Variants in DCHS2 observed in about 807,000 individuals in gnomAD.
The protein encoded by DCHS2 is dachsous cadherin-related 2.
A neutral mutation model predicts 182.4 loss-of-function variants in DCHS2; 142 were observed. That is an observed-to-expected ratio of 0.78 (90% CI 0.68 to 0.89). The LOEUF (loss-of-function observed/expected upper bound fraction) is 0.89, where lower values mean the gene tolerates loss of function less well. Ranked by LOEUF, DCHS2 falls within the 40% of genes least tolerant of loss-of-function variation. The pLI is 0.00. For missense variants in DCHS2, 4,319 were observed against 4,198.6 expected (o/e 1.03, Z -0.79); for synonymous variants, 1,740 against 1,663.3 (o/e 1.05, Z -1.12).
chr4:154,468,405 A>G (rs749128575), intron 1 of DCHS2, among the ~76,000 whole-genome samples: 1 of 152,132 alleles, frequency 6.6e-6, no homozygotes, highest in Non-Finnish European at 1.5e-5. Context: ...AAGGTCCCCA[A>G]TGCAGAATTT....
At chr4:154,478,454 G>A (rs1735777924) in intron 1 of DCHS2, among the ~76,000 whole-genome samples, 4 of 152,162 alleles carry the variant, frequency 2.6e-5, no homozygotes, top group Non-Finnish European at 5.9e-5. Context: ...ATGGAAGAAT[G>A]GACCTATATG....
Position 154,322,365 on chromosome 4 carries a change from G to A in DCHS2, c.4142C>T (p.Pro1381Leu), listed in dbSNP as rs748205784. 9 of 1,613,544 alleles carry A rather than the reference G, an allele frequency of 5.6e-6. No individual in the cohort carries two copies. The South Asian group carries it at 8.8e-5, about 16-fold the overall frequency. The change falls in exon 8 of 20, where the codon CCT (proline) becomes CTT (leucine). Residue 1381 changes from proline (P) to leucine (L), a missense_variant. By Grantham distance (98) the Pro-to-Leu change is moderately conservative. Coordinates refer to ENST00000357232, the MANE Select transcript of DCHS2 (RefSeq NM_001358235.2). ...AACAACTGCCTGTCCTTGAAGAGGA[G>A]GCACTCCCTGGTCAGTGGCAATGAC... ...MSVIATDQGV[P>L]PLQGQAVVNI... is the part of the protein sequence containing the mutation.
intron 3 of DCHS2, among the ~76,000 whole-genome samples, chr4:154,349,075 A>G (rs576574960): frequency 4.6e-5 from 7 of 152,194 alleles, no homozygotes; most frequent in Admixed American, 1.3e-4. Context: ...AAATATTGCC[A>G]AAAGACAAAA....
At chr4:154,358,883 T>C (rs1729989913) in intron 3 of DCHS2, among the ~76,000 whole-genome samples, 1 of 151,762 alleles carries the variant, frequency 6.6e-6, no homozygotes, top group African/African-American at 2.4e-5. Flanking sequence ...CCATATTTGT[T>C]ATTAATTGTT....
In DCHS2 at chr4:154,369,293, C is replaced by T. The variant is rs536468030; in HGVS notation, c.2245-2852G>A. On this transcript the variant is annotated intron_variant, in intron 2 of 19. Coordinates refer to ENST00000357232, the MANE Select transcript of DCHS2 (RefSeq NM_001358235.2). The stretch of plus-strand genomic sequence containing the variant: ...CAAGTTAAGTGGATGCATTCTATGC[C>T]TCAGAACTTCTCACAGAGCCTTTTG... Among the ~76,000 whole-genome samples the T allele has an allele frequency of 1.3e-3, 197 of 152,292 alleles. 1 individual carries two copies. Among genetic ancestry groups the T allele is most frequent in the Admixed American group, 2.1e-3 (32 of 15,292 alleles).
intron 5 of DCHS2, 33 bp from the exon 6 acceptor site, chr4:154,329,743 A>G: frequency 6.3e-7 from 1 of 1,575,200 alleles, no homozygotes; most frequent in South Asian, 1.1e-5. Context: ...AGACACAGGC[A>G]CTGTGTACCA....
At chr4:154,332,327 A>G in intron 5 of DCHS2, 151 bp downstream of exon 5, 1 of 576,116 alleles carries the variant, frequency 1.7e-6, no homozygotes, top group Non-Finnish European at 2.9e-6. Context: ...CATTATTTCA[A>G]TTGCATGTAT....
chr4:154,305,199 G>A lies in DCHS2; in HGVS notation c.5293C>T (p.Pro1765Ser), dbSNP rs1561028066. The change falls in exon 11 of 20, where the codon CCA becomes TCA. Residue 1765 changes from proline to serine, a missense_variant. Physicochemically the swap from Pro to Ser is moderately conservative, Grantham distance 74 (BLOSUM62 -1). Coordinates refer to ENST00000357232, the MANE Select transcript of DCHS2 (RefSeq NM_001358235.2). ...VNSKLQFEIM[P>S]GASFELFEIN... ...TCGAATAATTCAAATGAAGCACCTGGCATGATTTCAAACTGAAGCTTGGAA... is the reference window on the plus strand; with the variant it reads ...TCGAATAATTCAAATGAAGCACCTGACATGATTTCAAACTGAAGCTTGGAA... 6.2e-7 allele frequency: 1 copy of A among 1,612,144 alleles called. No homozygotes were observed. The highest frequency in any genetic ancestry group is 8.5e-7 in the Non-Finnish European group (1 of 1,179,310).
At position 154,291,240 on chromosome 4, in the gene DCHS2, A is replaced by T. The variant is rs140453910; in HGVS notation, c.6463+6611T>A. On this transcript the variant is annotated intron_variant, in intron 13 of 19. Transcript: ENST00000357232. ...ATGCAAATCAAAAAACTACAGTGAA[A>T]TATCATCTCATCTCATTTAAAATGA... Among the ~76,000 whole-genome samples the T allele has an allele frequency of 1.6e-3, 239 of 152,262 alleles. 2 individuals are homozygous for T. The highest frequency in any genetic ancestry group is 5.4e-3 in the African/African-American group (224 of 41,558).
chr4:154,299,667 G>C (rs190172393), intron 12 of DCHS2, among the ~76,000 whole-genome samples: 2 of 152,314 alleles, frequency 1.3e-5, no homozygotes, highest in East Asian at 3.9e-4. Context: ...ACCAAAAGTA[G>C]AGATGATTGG....
chr4:154,368,767 G>A (rs931553057), intron 2 of DCHS2, among the ~76,000 whole-genome samples: 1 of 152,114 alleles, frequency 6.6e-6, no homozygotes, highest in Non-Finnish European at 1.5e-5. Context: ...CCAAAGTTCT[G>A]GGATTACAGG....
rs1731460699 is a variant in DCHS2 at position 154,235,898 on chromosome 4, G to A, written c.8754C>T (p.Ser2918=). ...AAAAGAAAGGAGATGAGGTTCCAAG[G>A]GAGTAAAGAATGACTCCATCAATAC... The part of the protein sequence containing the change: ...DAGIDGVILY[S]LGTSSPFFSV... The change falls in exon 20 of 20, where the codon TCC becomes TCT. Residue 2918 remains serine (S), a synonymous_variant. Transcript: ENST00000357232. 1 of 1,613,966 alleles carries A rather than the reference G, an allele frequency of 6.2e-7. No homozygotes were observed. Among genetic ancestry groups the A allele is most frequent in the Non-Finnish European group, 8.5e-7 (1 of 1,179,940 alleles).
At chr4:154,429,889 C>T (rs575351791) in intron 1 of DCHS2, among the ~76,000 whole-genome samples, 2 of 152,284 alleles carry the variant, frequency 1.3e-5, no homozygotes, top group African/African-American at 2.4e-5. Flanking sequence ...ATGCAAGCCA[C>T]TCACACACTG....
intron 3 of DCHS2, among the ~76,000 whole-genome samples, chr4:154,337,750 A>ATTT (rs1303910322): frequency 7.9e-5 from 12 of 151,482 alleles, no homozygotes; most frequent in Non-Finnish European, 1.6e-4. Context: ...TATTATTATT[A>ATTT]TTATTATTGA....
At chr4:154,335,181 A>G (rs1045106030) in intron 3 of DCHS2, 77 bp from the exon 4 acceptor site, 13 of 926,782 alleles carry the variant, frequency 1.4e-5, no homozygotes, top group Non-Finnish European at 2.3e-5. Flanking sequence ...CACCTGGTCT[A>G]TTAAGTGTAT....
Position 154,277,957 on chromosome 4 carries a change from C to T in DCHS2, c.6464-7944G>A, listed in dbSNP as rs529503180. The stretch of plus-strand genomic sequence containing the variant: ...TCAGAAGGCTGAGGCAGGAGAATCG[C>T]TGGAACGCAGGAGGCAGAGGCTACA... On this transcript the variant is annotated intron_variant, in intron 13 of 19. Transcript: ENST00000357232. Among the ~76,000 whole-genome samples the T allele has an allele frequency of 1.8e-4, 27 of 151,542 alleles. 1 individual carries two copies. The South Asian group carries it at 5.6e-3, about 32-fold the overall frequency.
At chr4:154,471,141 T>C (rs897681364) in intron 1 of DCHS2, among the ~76,000 whole-genome samples, 1 of 152,200 alleles carries the variant, frequency 6.6e-6, no homozygotes, top group Non-Finnish European at 1.5e-5. Context: ...ACCATTGCCA[T>C]GTGGGTTCAG....
intron 7 of DCHS2, among the ~76,000 whole-genome samples, chr4:154,324,576 TA>T (rs1306834724): frequency 9.2e-5 from 14 of 152,234 alleles, no homozygotes; most frequent in African/African-American, 3.4e-4. Flanking sequence ...GGTTTTGAGT[TA>T]AATAACAGAT....
At chr4:154,355,906 C>T (rs1359445579) in intron 3 of DCHS2, among the ~76,000 whole-genome samples, 5 of 151,976 alleles carry the variant, frequency 3.3e-5, no homozygotes, top group African/African-American at 1.2e-4. Flanking sequence ...GCATATGATA[C>T]TTGATAATGA....
Sources: allele counts gnomAD v4.1 joint callset (sites outside exome capture counted in the v4.1 genomes callset), GRCh38; gene constraint gnomAD v4.1.1; transcripts MANE v1.5; gene names NCBI Gene and HGNC (gene_info 2026-07-23, HGNC 2026-07-21).